Variants in CHRNA7 observed in about 807,000 individuals in gnomAD.
CHRNA7 encodes the protein cholinergic receptor nicotinic alpha 7 subunit, also known as neuronal acetylcholine receptor subunit alpha-7.
CHRNA7 carries 17 observed loss-of-function variants against 48.0 expected under a neutral mutation model. The ratio of observed to expected loss-of-function variants is 0.35; its 90% confidence interval spans 0.24 to 0.53. The LOEUF (loss-of-function observed/expected upper bound fraction) is 0.53, where lower values mean the gene tolerates loss of function less well. Ranked by LOEUF, CHRNA7 falls within the 20% of genes least tolerant of loss-of-function variation. The pLI is 0.92. For synonymous variants in CHRNA7, 75 were observed against 242.3 expected, an observed-to-expected ratio of 0.31 and a Z score of 6.41; for missense variants, 155 against 577.7, an observed-to-expected ratio of 0.27 and a Z score of 7.50.
At chr15:32,105,439 G>T (rs953754762) in intron 3 of CHRNA7, among the ~76,000 whole-genome samples, 1 of 150,974 alleles carries the variant, frequency 6.6e-6, no homozygotes, top group Non-Finnish European at 1.5e-5. Flanking sequence ...GAAAAGAGGC[G>T]GAGGAGAAGG....
Position 32,157,587 on chromosome 15 carries a change from C to T in CHRNA7, c.431-21C>T. The T allele has an allele frequency of 3.8e-6, 3 of 789,726 alleles. 1 individual carries two copies. Among genetic ancestry groups the T allele is most frequent in the Non-Finnish European group, 6.0e-6 (3 of 498,270 alleles). 48.9% of individuals were successfully genotyped at this position (789,726 alleles called of 1,614,324 possible). On this transcript the variant is annotated intron_variant, in intron 5 of 9. Coordinates refer to ENST00000306901, the MANE Select transcript of CHRNA7 (RefSeq NM_000746.6). ...CTCAGTCAGCTTCCGTTTCAGTCTTCTGTTTCCATCACCCACACAGGCATA... is the reference window on the plus strand; with the variant it reads ...CTCAGTCAGCTTCCGTTTCAGTCTTTTGTTTCCATCACCCACACAGGCATA...
intron 2 of CHRNA7, among the ~76,000 whole-genome samples, chr15:32,088,770 G>A (rs1442764136): frequency 1.3e-5 from 2 of 151,910 alleles, no homozygotes; most frequent in African/African-American, 4.8e-5. Context: ...TTTTTAGTTA[G>A]GTTGTTTGTT....
intron 2 of CHRNA7, among the ~76,000 whole-genome samples, chr15:32,072,682 C>T (rs1380868395): frequency 9.2e-5 from 14 of 152,216 alleles, no homozygotes; most frequent in Admixed American, 7.9e-4. Flanking sequence ...ACACTGCATC[C>T]GTGATCCTGG....
In CHRNA7 at chr15:32,141,777, C is replaced by T. The variant is rs535456756; in HGVS notation, c.351-12130C>T. ...TGATTTTTGCACATTGATTTTGTAT[C>T]CTGAGACTTTGCTGAAGTTGCTTAA... is the stretch of plus-strand genomic sequence containing the variant. On this transcript the variant is annotated intron_variant, in intron 4 of 9. Transcript: ENST00000306901. Among the ~76,000 whole-genome samples, 13 of 152,280 alleles carry T rather than the reference C, an allele frequency of 8.5e-5. No homozygotes were observed. In the South Asian group the frequency reaches 2.7e-3, roughly 32 times the overall value.
chr15:32,041,513 A>G (rs1329882965), intron 2 of CHRNA7, among the ~76,000 whole-genome samples: 1 of 152,184 alleles, frequency 6.6e-6, no homozygotes, highest in East Asian at 1.9e-4. Context: ...ATGCTCCCTG[A>G]CCTGCCCCTC....
chr15:32,117,741 T>G (rs1595467338), intron 4 of CHRNA7, among the ~76,000 whole-genome samples: 1 of 152,186 alleles, frequency 6.6e-6, no homozygotes, highest in South Asian at 2.1e-4. Flanking sequence ...AGTGCACACA[T>G]GGAATGGCAT....
chr15:32,038,127 C>T lies in CHRNA7; in HGVS notation c.195+7090C>T, dbSNP rs568782029. Among the ~76,000 whole-genome samples, 339 of 143,852 alleles carry T rather than the reference C, an allele frequency of 2.4e-3. 4 individuals are homozygous for T. The highest frequency in any genetic ancestry group is 0.014 in the South Asian group (68 of 4,718). The allele number at this position is 143,852 out of a possible 152,430, so 94.4% of individuals were successfully genotyped here. The stretch of plus-strand genomic sequence containing the variant: ...TATGTAAAATATGTGTACATGTTTA[C>T]ATTTATGTATAAATATGTACATACA... On this transcript the variant is annotated intron_variant, in intron 2 of 9. Transcript: ENST00000306901.
chr15:32,052,606 G>C (rs2049710385), intron 2 of CHRNA7, among the ~76,000 whole-genome samples: 1 of 152,182 alleles, frequency 6.6e-6, no homozygotes, highest in African/African-American at 2.4e-5. Context: ...GCGCATGCCT[G>C]TAGTCCCAGC....
rs898113604 is a variant in CHRNA7, at chr15:32,034,150, G to T, written c.195+3113G>T. On this transcript the variant is annotated intron_variant, in intron 2 of 9. Transcript: ENST00000306901. The stretch of plus-strand genomic sequence containing the variant: ...TGCTAGAAAACATTGTGTTCAACTA[G>T]AGCAGCTGAGAGTGGCTTCAAAGAG... 3.9e-5 allele frequency among the ~76,000 whole-genome samples: 6 copies of T among 152,284 alleles called. No individual in the cohort carries two copies. In the South Asian group the frequency reaches 1.2e-3, roughly 32 times the overall value.
At chr15:32,118,624 T>G (rs909614516) in intron 4 of CHRNA7, among the ~76,000 whole-genome samples, 1 of 152,206 alleles carries the variant, frequency 6.6e-6, no homozygotes, top group African/African-American at 2.4e-5. Flanking sequence ...ATGGTCGCTC[T>G]TGCTGTTTGT....
intron 2 of CHRNA7, among the ~76,000 whole-genome samples, chr15:32,077,189 A>G (rs543684831): frequency 2.4e-4 from 36 of 151,748 alleles, no homozygotes; most frequent in African/African-American, 7.3e-4. Flanking sequence ...CAGATTACCC[A>G]TTTACCTACT....
intron 2 of CHRNA7, among the ~76,000 whole-genome samples, chr15:32,060,856 C>CTG (rs2049867207): frequency 6.6e-6 from 1 of 152,166 alleles, no homozygotes; most frequent in South Asian, 2.1e-4. Flanking sequence ...CGTGTCTTCA[C>CTG]TGAGGTGCGA....
intron 2 of CHRNA7, among the ~76,000 whole-genome samples, chr15:32,096,949 G>A (rs985657125): frequency 2.0e-5 from 3 of 152,164 alleles, no homozygotes; most frequent in Non-Finnish European, 2.9e-5. Context: ...TGGGGACCCT[G>A]CCTCCTCCTG....
At chr15:32,063,994 T>C (rs1365836414) in intron 2 of CHRNA7, among the ~76,000 whole-genome samples, 1 of 152,216 alleles carries the variant, frequency 6.6e-6, no homozygotes, top group Non-Finnish European at 1.5e-5. Flanking sequence ...TAGCAGGATT[T>C]TGAAGACCTT....
chr15:32,094,667 T>TTTTTC (rs1491331060), intron 2 of CHRNA7, among the ~76,000 whole-genome samples: 1 of 6,732 alleles, frequency 1.5e-4, no homozygotes. Context: ...TTTCTTTTTC[T>TTTTTC]TTTTTTTTTT....
chr15:32,136,347 C>T (rs1205684917), intron 4 of CHRNA7, among the ~76,000 whole-genome samples: 3 of 151,476 alleles, frequency 2.0e-5, no homozygotes, highest in African/African-American at 2.4e-5. Flanking sequence ...AAAAATTAGC[C>T]GGGCGTGGTG....
At chr15:32,103,467 G>T (rs1273560097) in intron 3 of CHRNA7, among the ~76,000 whole-genome samples, 1 of 151,870 alleles carries the variant, frequency 6.6e-6, no homozygotes, top group Non-Finnish European at 1.5e-5. Context: ...CCATTGCTAG[G>T]TCTCCAAGGT....
At chr15:32,036,121 G>A (rs1902072587) in intron 2 of CHRNA7, among the ~76,000 whole-genome samples, 1 of 152,220 alleles carries the variant, frequency 6.6e-6, no homozygotes, top group Non-Finnish European at 1.5e-5. Flanking sequence ...GGCAGCCGCT[G>A]ACCTTTTGTT....
intron 2 of CHRNA7, among the ~76,000 whole-genome samples, chr15:32,053,587 G>A (rs1329492937): frequency 6.6e-6 from 1 of 152,136 alleles, no homozygotes; most frequent in Non-Finnish European, 1.5e-5. Flanking sequence ...ACACACCCCT[G>A]TTATCCTTAG....
Sources: allele counts gnomAD v4.1 joint callset (sites outside exome capture counted in the v4.1 genomes callset), GRCh38; gene constraint gnomAD v4.1.1; transcripts MANE v1.5; gene names NCBI Gene and HGNC (gene_info 2026-07-23, HGNC 2026-07-21).